The following GEMIN7 variants were observed in gnomAD, a reference collection of about 807,000 sequenced individuals.
GEMIN7 encodes gem-associated protein 7.
A neutral mutation model predicts 7.8 loss-of-function variants in GEMIN7; 7 were observed. The observed-to-expected ratio is 0.90, with a 90% CI of 0.51 to 1.69. The LOEUF (loss-of-function observed/expected upper bound fraction) is 1.69. GEMIN7 is among the 40% of genes most tolerant of loss of function. GEMIN7 has a pLI of 0.00. For synonymous variants in GEMIN7, 68 were observed against 72.4 expected, an observed-to-expected ratio of 0.94 and a Z score of 0.31; for missense variants, 159 against 176.2, an observed-to-expected ratio of 0.90 and a Z score of 0.55.
At chr19:45,079,884 C>G (rs1208577573) in intron 1 of GEMIN7, 23 bp from the exon 2 acceptor site, 2 of 152,194 alleles carry the variant, frequency 1.3e-5, no homozygotes, top group Non-Finnish European at 2.9e-5. Context: ...GTGGACACGT[C>G]AACACCTTGG....
intron 2 of GEMIN7, chr19:45,088,703 G>A (rs1384870387): frequency 6.6e-6 from 1 of 151,954 alleles, no homozygotes; most frequent in Non-Finnish European, 1.5e-5. Flanking sequence ...GCAACATAGT[G>A]AGACCCTGTC....
chr19:45,087,377 C>T (rs1464510006), intron 2 of GEMIN7, among the ~76,000 whole-genome samples: 1 of 152,110 alleles, frequency 6.6e-6, no homozygotes, highest in African/African-American at 2.4e-5. Flanking sequence ...CTCCTGACCT[C>T]TAGTGATCCT....
At chr19:45,084,126 G>A (rs1286240543) in intron 2 of GEMIN7, among the ~76,000 whole-genome samples, 2 of 147,944 alleles carry the variant, frequency 1.4e-5, no homozygotes, top group African/African-American at 2.5e-5. Flanking sequence ...GACGAGAATC[G>A]CTTGAACCCG....
upstream of GEMIN7, chr19:45,076,229 C>A: frequency 6.6e-7 from 1 of 1,509,412 alleles, no homozygotes; most frequent in Non-Finnish European, 8.8e-7. The surrounding 1 kb of genome is among the most constrained non-coding windows in gnomAD (Gnocchi z 4.9). Context: ...GAGAAGGGCC[C>A]CAGCCTTGGG....
chr19:45,081,059 C>T (rs1056768822), intron 2 of GEMIN7, among the ~76,000 whole-genome samples: 6 of 152,094 alleles, frequency 3.9e-5, no homozygotes, highest in South Asian at 2.1e-4. Flanking sequence ...CCCAGCTTCT[C>T]GGAAGGCTGA....
chr19:45,082,911 G>A (rs886341121), intron 2 of GEMIN7, among the ~76,000 whole-genome samples: 12 of 151,414 alleles, frequency 7.9e-5, no homozygotes, highest in African/African-American at 2.7e-4. Flanking sequence ...GTGAGCCACC[G>A]CACCTGGCTA....
chr19:45,077,316 A>C (rs1013109955), upstream of GEMIN7, among the ~76,000 whole-genome samples: 6 of 152,078 alleles, frequency 3.9e-5, no homozygotes, highest in African/African-American at 1.4e-4. Flanking sequence ...CTGTTCCTAG[A>C]CCAGAAGTCG....
upstream of GEMIN7, among the ~76,000 whole-genome samples, chr19:45,078,369 C>T (rs562987855): frequency 9.9e-5 from 15 of 152,248 alleles, no homozygotes; most frequent in East Asian, 1.7e-3. Context: ...GAATTACAGG[C>T]GTGAGCCACC....
upstream of GEMIN7, chr19:45,076,466 C>G (rs1049133904): frequency 1.0e-6 from 1 of 983,566 alleles, no homozygotes; most frequent in African/African-American, 1.7e-5. This position sits in a 1 kb window ranked among gnomAD's most constrained non-coding sequence, Gnocchi z 4.9. Flanking sequence ...CGTGCGCGCT[C>G]AGGTGAGTGA....
chr19:45,080,498 C>T (rs1199068495), intron 2 of GEMIN7, among the ~76,000 whole-genome samples: 1 of 151,974 alleles, frequency 6.6e-6, no homozygotes, highest in Non-Finnish European at 1.5e-5. Context: ...GCCTCAGCCT[C>T]CTGCGTAGCT....
intron 2 of GEMIN7, among the ~76,000 whole-genome samples, chr19:45,082,860 A>G (rs1018124550): frequency 6.6e-6 from 1 of 151,004 alleles, no homozygotes; most frequent in African/African-American, 2.4e-5. Context: ...CGCTAAAGCA[A>G]TTCTCCAGCC....
At chr19:45,085,347 T>C (rs191927494) in intron 2 of GEMIN7, 117 of 152,290 alleles carry the variant, frequency 7.7e-4, no homozygotes, top group African/African-American at 2.6e-3. Flanking sequence ...AAAAAAAAAC[T>C]GTATTGAGAT....
intron 2 of GEMIN7, among the ~76,000 whole-genome samples, chr19:45,084,582 T>G (rs116115771): frequency 6.6e-6 from 1 of 151,326 alleles, no homozygotes; most frequent in Non-Finnish European, 1.5e-5. Flanking sequence ...TTTGGGGCGT[T>G]TGTTTGTTTT....
Position 45,080,013 on chromosome 19 carries a change from G to A in GEMIN7, c.-25G>A, listed in dbSNP as rs76476920. 0.031 allele frequency: 4,761 copies of A among 152,362 alleles called. 259 individuals carry two copies. The highest frequency in any genetic ancestry group is 0.1 in the African/African-American group (4,320 of 41,530). 9.4% of individuals were successfully genotyped at this position (152,362 alleles called of 1,614,324 possible). A position where few individuals can be genotyped will look rare whatever the true frequency, so the allele number is the denominator to read the frequency against. On this transcript the variant is annotated 5_prime_UTR_variant, in exon 2 of 3. Coordinates refer to ENST00000270257, the MANE Select transcript of GEMIN7 (RefSeq NM_024707.3). ...AGCTGATCTCCTCTCTGGAGCACCGGGGCCACCAGGAGGGAGGTCTGTGAA... is the reference window on the plus strand; with the variant it reads ...AGCTGATCTCCTCTCTGGAGCACCGAGGCCACCAGGAGGGAGGTCTGTGAA...
chr19:45,076,341 G>A, upstream of GEMIN7: 2 of 1,370,328 alleles, frequency 1.5e-6, no homozygotes, highest in Admixed American at 3.0e-5. The surrounding 1 kb of genome is among the most constrained non-coding windows in gnomAD (Gnocchi z 4.9). Flanking sequence ...GCTCTACTCG[G>A]CGGGGCGCGC....
intron 2 of GEMIN7, among the ~76,000 whole-genome samples, chr19:45,081,773 C>T (rs570743467): frequency 7.9e-5 from 12 of 152,074 alleles, no homozygotes; most frequent in East Asian, 1.9e-4. Flanking sequence ...ATTACAGGCA[C>T]GCACCACCAC....
Position 45,079,999 on chromosome 19 carries a change from T to A in GEMIN7, c.-39T>A, listed in dbSNP as rs940234451. On this transcript the variant is annotated 5_prime_UTR_variant, in exon 2 of 3. Transcript: ENST00000270257. ...ATGTTTGTCCACTGAGCTGATCTCC[T>A]CTCTGGAGCACCGGGGCCACCAGGA... 2.0e-5 allele frequency: 3 copies of A among 152,260 alleles called. No homozygotes were observed. The highest frequency in any genetic ancestry group is 4.4e-5 in the Non-Finnish European group (3 of 68,042). 9.4% of individuals were successfully genotyped at this position (152,260 alleles called of 1,614,324 possible).
In GEMIN7 at chr19:45,090,251, T is replaced by C. The variant is rs577427634; in HGVS notation, c.137T>C (p.Ile46Thr). Residue 46 changes from isoleucine (I) to threonine (T), a missense_variant, in exon 3 of 3, where the codon ATA becomes ACA. Physicochemically the swap from Ile to Thr is moderately conservative, Grantham distance 89 (BLOSUM62 -1). Transcript: ENST00000270257. ...GTTCCTGAAATCCAGGAGTGTCCCA[T>C]AGCTCAAGAATCCCTGGAATCCCAG... is the stretch of plus-strand genomic sequence containing the variant. ...PEVPEIQECP[I>T]AQESLESQEQ... The C allele has an allele frequency of 9.9e-6, 16 of 1,614,164 alleles. No homozygotes were observed. The African/African-American group carries it at 1.3e-4, about 13-fold the overall frequency.
chr19:45,076,172 G>A (rs1365315079), upstream of GEMIN7: 2 of 1,515,520 alleles, frequency 1.3e-6, no homozygotes, highest in Admixed American at 4.7e-5. This position sits in a 1 kb window ranked among gnomAD's most constrained non-coding sequence, Gnocchi z 4.9. Context: ...CCAGGGGAGT[G>A]GTGGGGTTCG....
Sources: gnomAD v4.1 joint callset for allele counts (sites outside exome capture counted in the v4.1 genomes callset) on GRCh38, gnomAD v4.1.1 for gene constraint, Gnocchi (gnomAD v3.1) non-coding constraint, MANE v1.5 for transcripts, NCBI Gene and HGNC (gene_info 2026-07-23, HGNC 2026-07-21) for gene names.